The following BMF variants were observed in gnomAD, a reference collection of about 807,000 sequenced individuals.
BMF encodes Bcl2 modifying factor.
A neutral mutation model predicts 22.0 loss-of-function variants in BMF; 10 were observed. The ratio of observed to expected loss-of-function variants is 0.45; its 90% CI spans 0.28 to 0.77. The LOEUF is 0.77. BMF is among the 30% of genes least tolerant of loss of function. The probability of loss-of-function intolerance (pLI) is 0.13; values close to 1 mark genes in which losing one functional copy is unlikely to be tolerated. For missense variants in BMF, 206 were observed against 226.8 expected (o/e 0.91, Z 0.59); for synonymous variants, 87 against 88.1 (o/e 0.99, Z 0.07).
chr15:40,099,962 G>C (rs2036442478), intron 4 of BMF, among the ~76,000 whole-genome samples: 1 of 152,062 alleles, frequency 6.6e-6, no homozygotes, highest in African/African-American at 2.4e-5. Context: ...GATTTCATTT[G>C]CCAAAAAGTC....
intron 4 of BMF, among the ~76,000 whole-genome samples, chr15:40,100,721 C>T (rs1322278128): frequency 6.6e-6 from 1 of 152,166 alleles, no homozygotes; most frequent in African/African-American, 2.4e-5. Context: ...GCAGATGGCC[C>T]ACGTAAAACG....
At chr15:40,102,354 G>A (rs540057199) in intron 4 of BMF, among the ~76,000 whole-genome samples, 244 of 151,150 alleles carry the variant, frequency 1.6e-3, no homozygotes, top group African/African-American at 5.7e-3. Flanking sequence ...GCTTGAACTG[G>A]GGAGGCAGAG....
intron 4 of BMF, among the ~76,000 whole-genome samples, chr15:40,103,602 G>A (rs1595484137): frequency 6.6e-6 from 1 of 152,230 alleles, no homozygotes; most frequent in Non-Finnish European, 1.5e-5. Flanking sequence ...CCGGCTGGCC[G>A]CCGGTCTGGG....
At chr15:40,107,618 C>T (rs968808069) in intron 2 of BMF, among the ~76,000 whole-genome samples, 2 of 150,408 alleles carry the variant, frequency 1.3e-5, no homozygotes, top group African/African-American at 4.9e-5. Context: ...TTATTAACAA[C>T]AGGAAACAAA....
At chr15:40,094,251 G>A (rs1038022681) in intron 4 of BMF, among the ~76,000 whole-genome samples, 2 of 152,192 alleles carry the variant, frequency 1.3e-5, no homozygotes, top group Non-Finnish European at 2.9e-5. Flanking sequence ...CTGAAGATGA[G>A]GCACAGACTC....
rs2036581370 is a variant in BMF, at chr15:40,106,070, C to A, written c.17G>T (p.Cys6Phe). 6.2e-7 allele frequency: 1 copy of A among 1,605,820 alleles called. No individual in the cohort carries two copies. The highest frequency in any genetic ancestry group is 2.2e-5 in the East Asian group (1 of 44,770). Residue 6 changes from cysteine (C) to phenylalanine (F), a missense_variant, in exon 3 of 5, where the codon TGT (cysteine) becomes TTT (phenylalanine). Physicochemically the swap from Cys to Phe is radical, Grantham distance 205. Coordinates refer to ENST00000354670, the MANE Select transcript of BMF (RefSeq NM_001003940.2). The surrounding 1 kb of genome is among the most constrained non-coding windows in gnomAD (Gnocchi z 4.1). ...CACATCATCCTCCAGCTCCTCCACACACTGAGATGGCTCCATCTCTCCTGT... is the reference window on the plus strand; with the variant it reads ...CACATCATCCTCCAGCTCCTCCACAAACTGAGATGGCTCCATCTCTCCTGT... MEPSQCVEELEDDVFQ... is the reference protein window; with the variant it reads MEPSQFVEELEDDVFQ...
chr15:40,100,465 C>A (rs555254424), intron 4 of BMF, among the ~76,000 whole-genome samples: 1 of 152,374 alleles, frequency 6.6e-6, no homozygotes, highest in East Asian at 1.9e-4. Context: ...ACCTTCACTC[C>A]TGCCCCGGCC....
rs1201089609 is a variant in BMF at position 40,091,711 on chromosome 15, A to C, written c.*76T>G. ...ACAAAAAAACAATTTCACAAGACAC[A>C]GTGTCAGTCCTGCCCGATGTCCTTC... On this transcript the variant is annotated 3_prime_UTR_variant, in exon 5 of 5. Transcript: ENST00000354670. 6.7e-6 allele frequency: 7 copies of C among 1,044,820 alleles called. No individual in the cohort carries two copies. The highest frequency in any genetic ancestry group is 9.9e-6 in the Non-Finnish European group (7 of 708,926). 64.7% of individuals were successfully genotyped at this position (1,044,820 alleles called of 1,614,324 possible). A position where few individuals can be genotyped will look rare whatever the true frequency, so the allele number is the denominator to read the frequency against.
rs1419625576 is a variant in BMF, at chr15:40,105,895, G to C, written c.192C>G (p.Ser64Arg). The C allele has an allele frequency of 6.2e-7, 1 of 1,614,200 alleles. No homozygotes were observed. The highest frequency in any genetic ancestry group is 8.5e-7 in the Non-Finnish European group (1 of 1,180,034). ...GAGTCTGGGTAGCTTTGTCTTCCTG[G>C]CTGGTGGGTCGAAGGCCAGGGCCAC... is the stretch of plus-strand genomic sequence containing the variant. ...HCCGPGLRPT[S>R]QEDKATQTLS... The change falls in exon 3 of 5, where the codon AGC (serine) becomes AGG (arginine). Residue 64 changes from serine (S) to arginine (R), a missense_variant. By Grantham distance (110) the Ser-to-Arg change is moderately radical. Coordinates refer to ENST00000354670, the MANE Select transcript of BMF (RefSeq NM_001003940.2).
At chr15:40,098,869 CAG>C (rs2036417889) in intron 4 of BMF, among the ~76,000 whole-genome samples, 1 of 152,152 alleles carries the variant, frequency 6.6e-6, no homozygotes, top group Non-Finnish European at 1.5e-5. Context: ...CAGTCAGGTG[CAG>C]AGTGTGTGGG....
chr15:40,097,185 TACCAAGCACCCA>T (rs1376604162), intron 4 of BMF, among the ~76,000 whole-genome samples: 19 of 1,858 alleles, frequency 0.01, no homozygotes, highest in Non-Finnish European at 0.014. Context: ...CCAACTGAGC[TACCAAGCACCCA>T]ACTGAGCTAC....
chr15:40,101,320 A>G (rs2036471958), intron 4 of BMF, among the ~76,000 whole-genome samples: 1 of 152,164 alleles, frequency 6.6e-6, no homozygotes. Context: ...TCTCATAGGT[A>G]TTTTCTCACT....
chr15:40,103,803 A>T (rs1316328615), intron 4 of BMF, among the ~76,000 whole-genome samples: 1 of 152,168 alleles, frequency 6.6e-6, no homozygotes, highest in Admixed American at 6.5e-5. Flanking sequence ...CCAACTGCCC[A>T]GTTTCATTGC....
chr15:40,092,321 G>A (rs975224700), intron 4 of BMF, among the ~76,000 whole-genome samples: 7 of 152,058 alleles, frequency 4.6e-5, no homozygotes, highest in African/African-American at 1.7e-4. Context: ...AGAGAACAAG[G>A]GGAAAGGGGG....
rs181289691 is a variant in BMF at position 40,091,869 on chromosome 15, C to T, written c.473G>A (p.Arg158His). The change falls in exon 5 of 5, where the codon CGT becomes CAT. Residue 158 changes from arginine (R) to histidine (H), a missense_variant. Transcript: ENST00000354670. The part of the protein sequence containing the change: ...HVQQHQQNQN[R>H]VWWQILLFLH... ...GAAGAGGAGGATCTGCCACCACACACGATTTTGGTTCTGCTGGTGCTGAAG... is the reference window on the plus strand; with the variant it reads ...GAAGAGGAGGATCTGCCACCACACATGATTTTGGTTCTGCTGGTGCTGAAG... 258 of 1,609,254 alleles carry T rather than the reference C, an allele frequency of 1.6e-4. No individual in the cohort carries two copies. Among genetic ancestry groups the T allele is most frequent in the African/African-American group, 8.0e-5 (6 of 74,674 alleles).
intron 4 of BMF, among the ~76,000 whole-genome samples, chr15:40,092,405 G>A (rs1306573380): frequency 6.6e-6 from 1 of 152,024 alleles, no homozygotes; most frequent in Non-Finnish European, 1.5e-5. Context: ...CACTGCTGAG[G>A]CAGCAAAAAT....
chr15:40,097,411 G>A (rs750233599), intron 4 of BMF, among the ~76,000 whole-genome samples: 1 of 152,210 alleles, frequency 6.6e-6, no homozygotes, highest in Non-Finnish European at 1.5e-5. Context: ...ACAATATAAT[G>A]GGGAGAAGAG....
chr15:40,095,815 A>G (rs1235834657), intron 4 of BMF, among the ~76,000 whole-genome samples: 1 of 152,226 alleles, frequency 6.6e-6, no homozygotes, highest in African/African-American at 2.4e-5. Flanking sequence ...GAGCACAAGC[A>G]GGCATCAGAG....
chr15:40,093,159 C>T (rs2036280171), intron 4 of BMF, among the ~76,000 whole-genome samples: 1 of 152,228 alleles, frequency 6.6e-6, no homozygotes, highest in African/African-American at 2.4e-5. Flanking sequence ...CCTCCCTGAC[C>T]TTTCCCAGGG....
Sources: gnomAD v4.1 joint callset for allele counts (sites outside exome capture counted in the v4.1 genomes callset) on GRCh38, gnomAD v4.1.1 for gene constraint, Gnocchi (gnomAD v3.1) non-coding constraint, MANE v1.5 for transcripts, NCBI Gene and HGNC (gene_info 2026-07-23, HGNC 2026-07-21) for gene names.